The following OR52N5 variants were observed in gnomAD, a reference collection of about 807,000 sequenced individuals.
OR52N5 encodes the protein olfactory receptor 52N5.
In OR52N5, 10 loss-of-function variants were observed where a neutral mutation model predicts 14.1. The ratio of observed to expected loss-of-function variants is 0.71; its 90% confidence interval spans 0.44 to 1.20. The LOEUF is 1.20. Among genes scored for constraint, OR52N5 ranks in the 50% most tolerant of loss-of-function variants. The probability of loss-of-function intolerance (pLI) is 0.00; values close to 1 mark genes in which losing one functional copy is unlikely to be tolerated. For synonymous variants in OR52N5, 116 were observed against 143.0 expected (o/e 0.81, Z 1.35); for missense variants, 361 against 403.2 (o/e 0.90, Z 0.90).
chr11:5,778,909 G>A (rs1854526495), intron 2 of OR52N5, among the ~76,000 whole-genome samples: 1 of 139,274 alleles, frequency 7.2e-6, no homozygotes, highest in African/African-American at 2.6e-5. Context: ...TAGAAACTGG[G>A]GCGCAGAAAG....
In OR52N5 at chr11:5,778,669, G is replaced by C. The variant is rs1307954347; in HGVS notation, c.-23-12C>G. Reference sequence around the variant, plus strand: ...CCAGAAGTTTCATCCTGAAGAGAAGGAATTATGAAACAAATTTCATTCAAA... The same window carrying C: ...CCAGAAGTTTCATCCTGAAGAGAAGCAATTATGAAACAAATTTCATTCAAA... On this transcript the variant is annotated splice_polypyrimidine_tract_variant and intron_variant, in intron 2 of 2. Transcript: ENST00000641181. 6.9e-6 allele frequency: 9 copies of C among 1,295,926 alleles called. 2 individuals are homozygous for C. Among genetic ancestry groups the C allele is most frequent in the Non-Finnish European group, 9.4e-6 (9 of 958,304 alleles). 80.3% of individuals were successfully genotyped at this position (1,295,926 alleles called of 1,614,324 possible).
At chr11:5,780,015 G>A (rs1854536567) in intron 2 of OR52N5, among the ~76,000 whole-genome samples, 1 of 139,318 alleles carries the variant, frequency 7.2e-6, no homozygotes, top group Admixed American at 7.4e-5. Flanking sequence ...CACTTTCAGC[G>A]TAAAGACCAC....
Position 5,778,379 on chromosome 11 carries a change from T to C in OR52N5, c.256A>G (p.Thr86Ala), listed in dbSNP as rs367862363. 53 of 1,517,526 alleles carry C rather than the reference T, an allele frequency of 3.5e-5. 10 individuals are homozygous for C. Among genetic ancestry groups the C allele is most frequent in the Non-Finnish European group, 4.5e-5 (50 of 1,113,570 alleles). 94.0% of individuals were successfully genotyped at this position (1,517,526 alleles called of 1,614,324 possible). A position where few individuals can be genotyped will look rare whatever the true frequency, so the allele number is the denominator to read the frequency against. Residue 86 changes from threonine to alanine, a missense_variant, in exon 3 of 3, where the codon ACT (threonine) becomes GCT (alanine). Transcript: ENST00000641181. The part of the protein sequence containing the change: ...SLIDLLTCTT[T>A]LPNALCIFWF... The stretch of plus-strand genomic sequence containing the variant: ...AAGATGCAGAGTGCATTGGGTAGAG[T>C]GGTGGTGCAGGTAAGGAGGTCAATG...
Position 5,777,761 on chromosome 11 carries a change from G to A in OR52N5, c.874C>T (p.Leu292Phe). Residue 292 changes from leucine (L) to phenylalanine (F), a missense_variant, in exon 3 of 3, where the codon CTT becomes TTT. Physicochemically the swap from Leu to Phe is conservative, Grantham distance 22. Transcript: ENST00000641181. ...ATAGGGTTTAGAGTTGGGGGAAGAAGAAGATAAAGATTAGCCACAATGATG... is the reference window on the plus strand; with the variant it reads ...ATAGGGTTTAGAGTTGGGGGAAGAAAAAGATAAAGATTAGCCACAATGATG... ...LHIIVANLYLLLPPTLNPIVY... is the reference protein window; with the variant it reads ...LHIIVANLYLFLPPTLNPIVY... 6.6e-7 allele frequency: 1 copy of A among 1,520,200 alleles called. No homozygotes were observed. The highest frequency in any genetic ancestry group is 9.0e-7 in the Non-Finnish European group (1 of 1,113,790). 94.2% of individuals were successfully genotyped at this position (1,520,200 alleles called of 1,614,324 possible). A position where few individuals can be genotyped will look rare whatever the true frequency, so the allele number is the denominator to read the frequency against.
chr11:5,777,483 G>T lies in OR52N5; in HGVS notation c.*177C>A. The T allele has an allele frequency of 2.4e-6, 1 of 408,560 alleles. No individual in the cohort carries two copies. Among genetic ancestry groups the T allele is most frequent in the Non-Finnish European group, 4.1e-6 (1 of 242,792 alleles). 25.3% of individuals were successfully genotyped at this position (408,560 alleles called of 1,614,324 possible). A position where few individuals can be genotyped will look rare whatever the true frequency, so the allele number is the denominator to read the frequency against. On this transcript the variant is annotated 3_prime_UTR_variant, in exon 3 of 3. Coordinates refer to ENST00000641181, the MANE Select transcript of OR52N5 (RefSeq NM_001385662.1). ...GCAATAGACAAAAATTAAGGGAAAG[G>T]CACTGAGATATACATCCAGAATGGG...
chr11:5,780,802 C>T (rs1854543994), intron 2 of OR52N5, among the ~76,000 whole-genome samples: 1 of 139,810 alleles, frequency 7.2e-6, no homozygotes, highest in South Asian at 2.3e-4. Context: ...TCAGGAAAGA[C>T]AGTGTCTTCA....
Position 5,777,385 on chromosome 11 carries a change from A to G in OR52N5, c.*275T>C. The G allele has an allele frequency of 4.8e-6, 1 of 209,126 alleles. No individual in the cohort carries two copies. Among genetic ancestry groups the G allele is most frequent in the South Asian group, 1.5e-4 (1 of 6,614 alleles). 13.0% of individuals were successfully genotyped at this position (209,126 alleles called of 1,614,324 possible). On this transcript the variant is annotated 3_prime_UTR_variant, in exon 3 of 3. Coordinates refer to ENST00000641181, the MANE Select transcript of OR52N5 (RefSeq NM_001385662.1). The stretch of plus-strand genomic sequence containing the variant: ...AAGGTTTATATATATTTAAAACATT[A>G]TGTTATATATGACATATTTAACTTT...
chr11:5,780,254 ATAAGTATCCTGGCT>A (rs1423571709), intron 2 of OR52N5, among the ~76,000 whole-genome samples: 1 of 139,430 alleles, frequency 7.2e-6, no homozygotes, highest in Admixed American at 7.4e-5. Flanking sequence ...CTAACCACTT[ATAAGTATCCTGGCT>A]TAAACAATGC....
At position 5,778,526 on chromosome 11, in the gene OR52N5, G is replaced by C. The variant is rs370148000; in HGVS notation, c.109C>G (p.Leu37Val). The C allele has an allele frequency of 2.6e-6, 4 of 1,515,376 alleles. 1 individual carries two copies. Among genetic ancestry groups the C allele is most frequent in the Non-Finnish European group, 3.6e-6 (4 of 1,109,612 alleles). The allele number at this position is 1,515,376 out of a possible 1,614,324, so 93.9% of individuals were successfully genotyped here. The change falls in exon 3 of 3, where the codon CTC (leucine) becomes GTC (valine). Residue 37 changes from leucine to valine, a missense_variant. Transcript: ENST00000641181. ...ATGATGTACATTGTGCAGAGTGGGA[G>C]GGAGATCCATACATGTACTCTTTCC... ...GLERVHVWIS[L>V]PLCTMYIIFL...
chr11:5,776,977 G>A lies in OR52N5; in HGVS notation c.*683C>T, dbSNP rs1854498683. ...GTAGACTGGTGGTTACCAGATGCTG[G>A]GAATGGTGGGAGGAAGAGAGGATGA... On this transcript the variant is annotated 3_prime_UTR_variant, in exon 3 of 3. Coordinates refer to ENST00000641181, the MANE Select transcript of OR52N5 (RefSeq NM_001385662.1). The A allele has an allele frequency of 7.2e-6, 1 of 139,510 alleles. No homozygotes were observed. Among genetic ancestry groups the A allele is most frequent in the South Asian group, 2.4e-4 (1 of 4,242 alleles). 8.6% of individuals were successfully genotyped at this position (139,510 alleles called of 1,614,324 possible).
At chr11:5,780,938 T>C (rs1246803036) in intron 2 of OR52N5, among the ~76,000 whole-genome samples, 3 of 140,622 alleles carry the variant, frequency 2.1e-5, no homozygotes, top group East Asian at 2.0e-4. Flanking sequence ...CTTATCTTAG[T>C]AACACTGAGA....
intron 2 of OR52N5, among the ~76,000 whole-genome samples, chr11:5,779,583 T>C (rs1434684912): frequency 2.1e-5 from 3 of 140,062 alleles, no homozygotes; most frequent in Non-Finnish European, 4.7e-5. Flanking sequence ...ACCTCAAGTA[T>C]AACCAACATG....
chr11:5,778,168 G>A lies in OR52N5; in HGVS notation c.467C>T (p.Ala156Val). The change falls in exon 3 of 3, where the codon GCC becomes GTC. Residue 156 changes from alanine (A) to valine (V), a missense_variant. By Grantham distance (64) the Ala-to-Val change is moderately conservative (BLOSUM62 0). Coordinates refer to ENST00000641181, the MANE Select transcript of OR52N5 (RefSeq NM_001385662.1). ...TNPIIAKAEL[A>V]TFLRGVLLMI... ...CAGCAATACACCCCTCAGGAAGGTG[G>A]CAAGCTCAGCCTTGGCAATGATAGG... 6.6e-7 allele frequency: 1 copy of A among 1,520,666 alleles called. No homozygotes were observed. The highest frequency in any genetic ancestry group is 9.0e-7 in the Non-Finnish European group (1 of 1,114,212). 94.2% of individuals were successfully genotyped at this position (1,520,666 alleles called of 1,614,324 possible).
chr11:5,778,328 A>T lies in OR52N5; in HGVS notation c.307T>A (p.Phe103Ile), dbSNP rs1177376395. 2.6e-6 allele frequency: 4 copies of T among 1,520,466 alleles called. 1 individual carries two copies. Among genetic ancestry groups the T allele is most frequent in the Non-Finnish European group, 3.6e-6 (4 of 1,114,256 alleles). The allele number at this position is 1,520,466 out of a possible 1,614,324, so 94.2% of individuals were successfully genotyped here. A position where few individuals can be genotyped will look rare whatever the true frequency, so the allele number is the denominator to read the frequency against. ...AACATCTGGGCCAAGCAAGCATTGA[A>T]GTTAATTTCTTTGAGACTGAACCAG... The part of the protein sequence containing the change: ...IFWFSLKEIN[F>I]NACLAQMFFV... The change falls in exon 3 of 3, where the codon TTC (phenylalanine) becomes ATC (isoleucine). Residue 103 changes from phenylalanine (F) to isoleucine (I), a missense_variant. Phe to Ile is a conservative substitution (Grantham distance 21). Transcript: ENST00000641181.
At position 5,778,148 on chromosome 11, in the gene OR52N5, ATACACCCCTCAG is replaced by A; in HGVS notation, c.475_486del (p.Arg160_Leu163del). 3.3e-6 allele frequency: 5 copies of A among 1,521,528 alleles called. 2 individuals carry two copies. The highest frequency in any genetic ancestry group is 4.5e-6 in the Non-Finnish European group (5 of 1,114,798). 94.3% of individuals were successfully genotyped at this position (1,521,528 alleles called of 1,614,324 possible). On this transcript the variant is annotated inframe_deletion, in exon 3 of 3. Transcript: ENST00000641181. ...AAGAATGGGAAAGGAATCATCAGCA[ATACACCCCTCAG>A]GAAGGTGGCAAGCTCAGCCTTGGCA...
At chr11:5,780,934 T>A (rs1431522535) in intron 2 of OR52N5, among the ~76,000 whole-genome samples, 1 of 140,570 alleles carries the variant, frequency 7.1e-6, no homozygotes, top group Non-Finnish European at 1.6e-5. Flanking sequence ...GATGCTTATC[T>A]TAGTAACACT....
Position 5,778,830 on chromosome 11 carries a change from A to G in OR52N5, c.-23-173T>C, listed in dbSNP as rs1472673262. ...TTCCAGATAACATTTTAAAAGTTTCATAAACAGTCTAAATGTAATTCCATA... is the reference window on the plus strand; with the variant it reads ...TTCCAGATAACATTTTAAAAGTTTCGTAAACAGTCTAAATGTAATTCCATA... On this transcript the variant is annotated intron_variant, in intron 2 of 2. Coordinates refer to ENST00000641181, the MANE Select transcript of OR52N5 (RefSeq NM_001385662.1). 3.3e-4 allele frequency among the ~76,000 whole-genome samples: 46 copies of G among 140,644 alleles called. 10 individuals carry two copies. The allele number at this position is 140,644 out of a possible 152,430, so 92.3% of individuals were successfully genotyped here.
chr11:5,778,415 C>T lies in OR52N5; in HGVS notation c.220G>A (p.Ala74Thr), dbSNP rs1386760125. ...GTAAGGAGGTCAATGAGGGAGAGAG[C>T]ATGGCCAAAAAAAAAATACATCGGA... ...HHPMYFFFGH[A>T]LSLIDLLTCT... is the part of the protein sequence containing the mutation. The change falls in exon 3 of 3, where the codon GCT (alanine) becomes ACT (threonine). Residue 74 changes from alanine to threonine, a missense_variant. Transcript: ENST00000641181. 3 of 1,516,110 alleles carry T rather than the reference C, an allele frequency of 2.0e-6. 1 individual carries two copies. Among genetic ancestry groups the T allele is most frequent in the Non-Finnish European group, 2.7e-6 (3 of 1,112,090 alleles). The allele number at this position is 1,516,110 out of a possible 1,614,324, so 93.9% of individuals were successfully genotyped here.
intron 2 of OR52N5, among the ~76,000 whole-genome samples, chr11:5,780,932 T>G (rs1474769544): frequency 7.1e-6 from 1 of 140,454 alleles, no homozygotes; most frequent in African/African-American, 2.6e-5. Context: ...CTGATGCTTA[T>G]CTTAGTAACA....
Sources: allele counts gnomAD v4.1 joint callset (sites outside exome capture counted in the v4.1 genomes callset), GRCh38; gene constraint gnomAD v4.1.1; transcripts MANE v1.5; gene names NCBI Gene and HGNC (gene_info 2026-07-23, HGNC 2026-07-21).